The following ZNF680 variants were observed in gnomAD, a reference collection of about 807,000 sequenced individuals.
ZNF680 encodes hypothetical protein FLJ90430.
A neutral mutation model predicts 12.1 loss-of-function variants in ZNF680; 6 were observed. The ratio of observed to expected loss-of-function variants is 0.49; its 90% confidence interval spans 0.27 to 0.98. The LOEUF (loss-of-function observed/expected upper bound fraction) is 0.98. ZNF680 is among the 50% of genes least tolerant of loss of function. The pLI is 0.12. For missense variants in ZNF680, 561 were observed against 616.3 expected, an observed-to-expected ratio of 0.91 and a Z score of 0.95; for synonymous variants, 170 against 199.3, an observed-to-expected ratio of 0.85 and a Z score of 1.24.
intron 3 of ZNF680, among the ~76,000 whole-genome samples, chr7:64,539,825 T>A (rs1786405721): frequency 2.0e-5 from 3 of 151,988 alleles, no homozygotes. Context: ...AAAAATAGTT[T>A]TTTTTGTAGA....
chr7:64,540,933 A>G, intron 3 of ZNF680, among the ~76,000 whole-genome samples: 1 of 152,160 alleles, frequency 6.6e-6, no homozygotes, highest in East Asian at 1.9e-4. Context: ...TAAATAAAAG[A>G]TTCTAACAAT....
At chr7:64,543,606 G>T in intron 3 of ZNF680, 101 bp downstream of exon 3, 1 of 1,022,460 alleles carries the variant, frequency 9.8e-7, no homozygotes, top group Non-Finnish European at 1.5e-6. Flanking sequence ...ATTTTCTCTG[G>T]AACATAGCTT....
At chr7:64,546,025 G>A (rs1178467476) in intron 1 of ZNF680, among the ~76,000 whole-genome samples, 1 of 152,008 alleles carries the variant, frequency 6.6e-6, no homozygotes, top group Non-Finnish European at 1.5e-5. Flanking sequence ...AGAAGGCTCT[G>A]GTACACAGGA....
chr7:64,544,588 A>G (rs1786685129), intron 1 of ZNF680, among the ~76,000 whole-genome samples, 156 bp from the exon 2 acceptor site: 1 of 152,222 alleles, frequency 6.6e-6, no homozygotes, highest in Non-Finnish European at 1.5e-5. Context: ...CAATAAAATA[A>G]ATTTCAATGC....
At chr7:64,506,549 A>C in the ZNF680 span, among the ~76,000 whole-genome samples, 1 of 152,122 alleles carries the variant, frequency 6.6e-6, no homozygotes, top group Non-Finnish European at 1.5e-5. Context: ...ATAATAATTA[A>C]TTACTTTCCA....
the ZNF680 span, among the ~76,000 whole-genome samples, chr7:64,505,376 CAATT>C: frequency 6.6e-6 from 1 of 152,116 alleles, no homozygotes; most frequent in Non-Finnish European, 1.5e-5. Flanking sequence ...AATTAGATGT[CAATT>C]ATTAATAAAT....
the ZNF680 span, among the ~76,000 whole-genome samples, chr7:64,500,626 T>G: frequency 2.0e-5 from 3 of 152,200 alleles, no homozygotes; most frequent in Non-Finnish European, 2.9e-5. Context: ...TGTCTGGGGC[T>G]GGGAGTGGAG....
chr7:64,553,124 CAAA>C (rs575545282), intron 1 of ZNF680, among the ~76,000 whole-genome samples: 9 of 119,724 alleles, frequency 7.5e-5, no homozygotes, highest in Non-Finnish European at 8.9e-5. Flanking sequence ...CACTCTATCT[CAAA>C]AAAAAAAAAA....
the ZNF680 span, among the ~76,000 whole-genome samples, chr7:64,512,504 A>T: frequency 6.6e-6 from 1 of 151,568 alleles, no homozygotes; most frequent in African/African-American, 2.4e-5. Flanking sequence ...CAACTAAATG[A>T]CTTTTCTCCA....
In ZNF680 at chr7:64,562,933, G is replaced by A. The variant is rs1364476745; in HGVS notation, c.22C>T (p.Leu8=). Residue 8 remains leucine (L), a synonymous_variant, in exon 1 of 4, where the codon CTA becomes TTA. Coordinates refer to ENST00000309683, the MANE Select transcript of ZNF680 (RefSeq NM_178558.5). MPGPPGS[L]EMGPLTFRDV... ...TCGGACCGCACTCTCACCATTTCTA[G>A]GCTTCCAGGTGGTCCTGGCATCTTA... 1 of 1,613,838 alleles carries A rather than the reference G, an allele frequency of 6.2e-7. No individual in the cohort carries two copies. The highest frequency in any genetic ancestry group is 2.2e-5 in the East Asian group (1 of 44,862).
chr7:64,510,467 T>C, the ZNF680 span, among the ~76,000 whole-genome samples: 10 of 151,916 alleles, frequency 6.6e-5, no homozygotes, highest in African/African-American at 2.2e-4. Context: ...AAAAATTAGT[T>C]GCAAAAACAG....
intron 3 of ZNF680, among the ~76,000 whole-genome samples, chr7:64,534,642 C>T (rs1396173854): frequency 2.0e-5 from 3 of 152,088 alleles, no homozygotes; most frequent in African/African-American, 7.2e-5. Context: ...ACCATTTGAC[C>T]CAGCAATCCC....
At chr7:64,518,253 A>G (rs1033248616), downstream of ZNF680, among the ~76,000 whole-genome samples, 2 of 152,090 alleles carry the variant, frequency 1.3e-5, no homozygotes, top group African/African-American at 4.8e-5. Flanking sequence ...TTATGTACAC[A>G]AATCAGTCAC....
intron 1 of ZNF680, among the ~76,000 whole-genome samples, chr7:64,552,525 C>A (rs1438322898): frequency 6.6e-6 from 1 of 152,162 alleles, no homozygotes; most frequent in Non-Finnish European, 1.5e-5. Flanking sequence ...ATGAAAGACA[C>A]TAAACTCATG....
At chr7:64,508,636 CT>C in the ZNF680 span, among the ~76,000 whole-genome samples, 1 of 152,130 alleles carries the variant, frequency 6.6e-6, no homozygotes, top group Non-Finnish European at 1.5e-5. Context: ...AATCTAGCTA[CT>C]TTTCACAGGG....
intron 3 of ZNF680, among the ~76,000 whole-genome samples, chr7:64,541,816 C>A (rs1786518648): frequency 6.6e-6 from 1 of 152,198 alleles, no homozygotes; most frequent in African/African-American, 2.4e-5. Flanking sequence ...CCATTTATAG[C>A]CACGCAGGCA....
chr7:64,510,867 G>A, the ZNF680 span, among the ~76,000 whole-genome samples: 2 of 82,454 alleles, frequency 2.4e-5, no homozygotes, highest in Admixed American at 1.2e-4. Flanking sequence ...CCGAGATCCC[G>A]CCACTGCACT....
At position 64,550,465 on chromosome 7, in the gene ZNF680, T is replaced by C. The variant is rs117415572; in HGVS notation, c.31-6033A>G. ...AAAATCTCAAGATCCCGATTCAGAA[T>C]CTGGAGCTGCAGATTTAGGTCCTGA... is the stretch of plus-strand genomic sequence containing the variant. On this transcript the variant is annotated intron_variant, in intron 1 of 3. Transcript: ENST00000309683. 5.2e-3 allele frequency among the ~76,000 whole-genome samples: 793 copies of C among 152,310 alleles called. 5 individuals are homozygous for C. Among genetic ancestry groups the C allele is most frequent in the Non-Finnish European group, 7.1e-3 (486 of 68,034 alleles).
At chr7:64,546,738 A>T (rs1374695849) in intron 1 of ZNF680, among the ~76,000 whole-genome samples, 2 of 152,118 alleles carry the variant, frequency 1.3e-5, no homozygotes, top group Non-Finnish European at 2.9e-5. Flanking sequence ...GTGAGACTCC[A>T]TCTCTTAAAT....
Sources: gnomAD v4.1 joint callset for allele counts (sites outside exome capture counted in the v4.1 genomes callset) on GRCh38, gnomAD v4.1.1 for gene constraint, MANE v1.5 for transcripts, NCBI Gene and HGNC (gene_info 2026-07-23, HGNC 2026-07-21) for gene names.